HORMAD2: variants seen among roughly 807,000 people sequenced by gnomAD.
The protein encoded by HORMAD2 is HORMA domain-containing protein 2.
A neutral mutation model predicts 38.8 loss-of-function variants in HORMAD2; 45 were observed. The ratio of observed to expected loss-of-function variants is 1.16; its 90% CI spans 0.91 to 1.49. The LOEUF is 1.49. HORMAD2 is among the 40% of genes most tolerant of loss of function. The pLI is 0.00. For missense variants in HORMAD2, 338 were observed against 367.0 expected (o/e 0.92, Z 0.65); for synonymous variants, 126 against 122.8 (o/e 1.03, Z -0.17).
chr22:30,108,278 A>C (rs1367430198), intron 5 of HORMAD2, among the ~76,000 whole-genome samples: 1 of 152,108 alleles, frequency 6.6e-6, no homozygotes, highest in Admixed American at 6.6e-5. Context: ...AAGTCTGATC[A>C]TGTCATTCTT....
intron 1 of HORMAD2, among the ~76,000 whole-genome samples, chr22:30,081,857 T>C (rs1200980644): frequency 6.6e-6 from 1 of 152,134 alleles, no homozygotes; most frequent in African/African-American, 2.4e-5. Context: ...AGTGCTGGGA[T>C]TACAGGTGTG....
chr22:30,201,433 T>C, the HORMAD2 span, among the ~76,000 whole-genome samples: 3 of 149,972 alleles, frequency 2.0e-5, no homozygotes, highest in African/African-American at 7.4e-5. Context: ...TTTTTTTTTT[T>C]TCCAAGACGG....
chr22:30,131,043 T>C (rs1054713606), intron 10 of HORMAD2, among the ~76,000 whole-genome samples: 11 of 152,112 alleles, frequency 7.2e-5, no homozygotes, highest in African/African-American at 2.7e-4. Context: ...ACATACACAC[T>C]GAAGACAACT....
chr22:30,087,853 A>C (rs1003257985), intron 1 of HORMAD2, among the ~76,000 whole-genome samples: 6 of 152,192 alleles, frequency 3.9e-5, no homozygotes, highest in Non-Finnish European at 8.8e-5. Flanking sequence ...TGATCCAGTT[A>C]TCTCCTACTG....
At chr22:30,197,897 G>C in the HORMAD2 span, among the ~76,000 whole-genome samples, 3 of 152,108 alleles carry the variant, frequency 2.0e-5, no homozygotes, top group African/African-American at 4.8e-5. Flanking sequence ...TCAAGGATGG[G>C]CTGGGCAGGT....
At chr22:30,140,765 C>A (rs1924015766) in intron 10 of HORMAD2, among the ~76,000 whole-genome samples, 1 of 152,056 alleles carries the variant, frequency 6.6e-6, no homozygotes, top group African/African-American at 2.4e-5. Flanking sequence ...TTTTTTAATT[C>A]TCCATATCAT....
chr22:30,174,428 C>T (rs1042843167), intron 10 of HORMAD2, among the ~76,000 whole-genome samples: 2 of 151,962 alleles, frequency 1.3e-5, no homozygotes, highest in Non-Finnish European at 2.9e-5. Flanking sequence ...AAGAAGTGTC[C>T]CCTGGCTGAT....
chr22:30,198,472 G>A, the HORMAD2 span, among the ~76,000 whole-genome samples: 1 of 151,040 alleles, frequency 6.6e-6, no homozygotes, highest in Non-Finnish European at 1.5e-5. Context: ...CAGAGGTTCG[G>A]ATTTAACTGG....
At chr22:30,086,835 C>T (rs1330167039) in intron 1 of HORMAD2, among the ~76,000 whole-genome samples, 1 of 152,108 alleles carries the variant, frequency 6.6e-6, no homozygotes. Flanking sequence ...ACTCTTGTTG[C>T]CCAGGCTGGA....
At chr22:30,102,393 TC>T (rs1236738781) in intron 3 of HORMAD2, among the ~76,000 whole-genome samples, 1 of 152,324 alleles carries the variant, frequency 6.6e-6, no homozygotes, top group South Asian at 2.1e-4. Flanking sequence ...GTTTTATGTC[TC>T]CCTTTCAATG....
chr22:30,124,288 CACACAT>C (rs1437556609), intron 10 of HORMAD2, among the ~76,000 whole-genome samples: 4 of 151,276 alleles, frequency 2.6e-5, no homozygotes, highest in African/African-American at 9.8e-5. Context: ...CACACACACA[CACACAT>C]ACATACATGT....
upstream of HORMAD2, among the ~76,000 whole-genome samples, chr22:30,079,365 T>C (rs1015290529): frequency 5.3e-5 from 8 of 152,230 alleles, no homozygotes; most frequent in African/African-American, 9.6e-5. Flanking sequence ...AAGGAGAATA[T>C]ATTTATGTTT....
chr22:30,165,044 A>G (rs1055673269), intron 10 of HORMAD2, among the ~76,000 whole-genome samples: 6 of 151,880 alleles, frequency 4.0e-5, no homozygotes, highest in South Asian at 2.1e-4. Context: ...GATTTTCCCT[A>G]TGTTTTCTTG....
At chr22:30,159,004 G>A (rs1444633900) in intron 10 of HORMAD2, among the ~76,000 whole-genome samples, 1 of 152,038 alleles carries the variant, frequency 6.6e-6, no homozygotes, top group East Asian at 1.9e-4. Flanking sequence ...TAAAACTTTA[G>A]TCACAAAAAA....
the HORMAD2 span, among the ~76,000 whole-genome samples, chr22:30,198,190 G>A: frequency 6.6e-6 from 1 of 152,102 alleles, no homozygotes; most frequent in African/African-American, 2.4e-5. Context: ...AAAAAAATAG[G>A]AAGAGTCAAG....
downstream of HORMAD2, among the ~76,000 whole-genome samples, chr22:30,178,623 G>A (rs1247965830): frequency 2.6e-5 from 4 of 152,182 alleles, no homozygotes; most frequent in African/African-American, 7.2e-5. Context: ...GTAATGGGAT[G>A]AATAAACACA....
At chr22:30,102,822 G>A (rs1234598483) in intron 3 of HORMAD2, among the ~76,000 whole-genome samples, 5 of 151,914 alleles carry the variant, frequency 3.3e-5, no homozygotes, top group Admixed American at 3.3e-4. Flanking sequence ...TAGAGGTGAG[G>A]TTTCACTAGG....
the HORMAD2 span, among the ~76,000 whole-genome samples, chr22:30,205,682 C>T: frequency 2.0e-5 from 3 of 152,082 alleles, no homozygotes; most frequent in Non-Finnish European, 4.4e-5. Flanking sequence ...TTTTGAGAAA[C>T]GCTTTGGCAT....
the HORMAD2 span, among the ~76,000 whole-genome samples, chr22:30,198,243 A>G: frequency 3.9e-5 from 6 of 152,206 alleles, no homozygotes; most frequent in African/African-American, 7.2e-5. Flanking sequence ...TATTTGTTTA[A>G]AATTGCAACA....
Sources: gnomAD v4.1 joint callset for allele counts (sites outside exome capture counted in the v4.1 genomes callset) on GRCh38, gnomAD v4.1.1 for gene constraint, MANE v1.5 for transcripts, NCBI Gene and HGNC (gene_info 2026-07-23, HGNC 2026-07-21) for gene names.